The following SLC25A21 variants were observed in gnomAD, a reference collection of about 807,000 sequenced individuals.
The protein encoded by SLC25A21 is solute carrier family 25 member 21.
SLC25A21 carries 47 observed loss-of-function variants against 43.8 expected under a neutral mutation model. The ratio of observed to expected loss-of-function variants is 1.07; its 90% CI spans 0.85 to 1.37. The LOEUF is 1.37. SLC25A21 is among the 40% of genes most tolerant of loss of function. The probability of loss-of-function intolerance (pLI) is 0.00; values close to 1 mark genes in which losing one functional copy is unlikely to be tolerated. For synonymous variants in SLC25A21, 131 were observed against 121.3 expected (o/e 1.08, Z -0.52); for missense variants, 352 against 350.2 (o/e 1.00, Z -0.04).
At chr14:36,912,759 C>G (rs1166301780) in intron 1 of SLC25A21, among the ~76,000 whole-genome samples, 1 of 152,164 alleles carries the variant, frequency 6.6e-6, no homozygotes, top group Non-Finnish European at 1.5e-5. Context: ...AAATTCTTAG[C>G]TCAATTCCAC....
intron 2 of SLC25A21, among the ~76,000 whole-genome samples, chr14:36,873,441 G>T (rs1433868287): frequency 6.6e-6 from 1 of 152,000 alleles, no homozygotes; most frequent in South Asian, 2.1e-4. Context: ...GATTACAGGG[G>T]TGTGCCACCA....
intron 1 of SLC25A21, among the ~76,000 whole-genome samples, chr14:36,916,670 G>T (rs1891841534): frequency 6.6e-6 from 1 of 152,166 alleles, no homozygotes; most frequent in Non-Finnish European, 1.5e-5. Context: ...GACCCTGACA[G>T]AAATATAGCA....
intron 1 of SLC25A21, among the ~76,000 whole-genome samples, chr14:37,028,788 G>C (rs1159140128): frequency 2.6e-5 from 4 of 152,162 alleles, no homozygotes; most frequent in Non-Finnish European, 5.9e-5. Flanking sequence ...GAGAGTGACA[G>C]AGAACATTAC....
At chr14:37,062,520 T>C (rs2092254820) in intron 1 of SLC25A21, among the ~76,000 whole-genome samples, 1 of 152,174 alleles carries the variant, frequency 6.6e-6, no homozygotes, top group South Asian at 2.1e-4. Context: ...TGAAATTTTA[T>C]CACATGAAGA....
intron 3 of SLC25A21, among the ~76,000 whole-genome samples, chr14:36,743,411 G>A (rs991185314): frequency 6.7e-6 from 1 of 150,248 alleles, no homozygotes; most frequent in Non-Finnish European, 1.5e-5. Flanking sequence ...TAGGTGGGTG[G>A]CACTATGAGG....
At chr14:36,979,323 GTTTT>G (rs145296225) in intron 1 of SLC25A21, among the ~76,000 whole-genome samples, 11 of 123,756 alleles carry the variant, frequency 8.9e-5, no homozygotes, top group Non-Finnish European at 1.5e-4. Context: ...TTAAGGTAGT[GTTTT>G]TTTGGTTTTT....
chr14:37,100,503 T>G (rs1236148553), intron 1 of SLC25A21, among the ~76,000 whole-genome samples: 1 of 152,248 alleles, frequency 6.6e-6, no homozygotes, highest in Non-Finnish European at 1.5e-5. Context: ...AGATGTTTAA[T>G]TGAGGTATCT....
In SLC25A21 at chr14:36,679,601, T is replaced by C. The variant is rs1363999565; in HGVS notation, c.*1057A>G. ...TAGTAATCCTTAGAAATGCTAAGTG[T>C]ATTTCTTTTTCAGAACATTTCCCCT... On this transcript the variant is annotated 3_prime_UTR_variant, in exon 10 of 10. Transcript: ENST00000331299. 1.0e-6 allele frequency: 1 copy of C among 985,270 alleles called. No individual in the cohort carries two copies. Among genetic ancestry groups the C allele is most frequent in the African/African-American group, 1.7e-5 (1 of 57,244 alleles). The allele number at this position is 985,270 out of a possible 1,614,324, so 61.0% of individuals were successfully genotyped here.
chr14:36,680,737 T>C lies in SLC25A21; in HGVS notation c.839-18A>G. 3 of 1,604,890 alleles carry C rather than the reference T, an allele frequency of 1.9e-6. No individual in the cohort carries two copies. The highest frequency in any genetic ancestry group is 2.6e-6 in the Non-Finnish European group (3 of 1,176,216). On this transcript the variant is annotated intron_variant, in intron 9 of 9. Transcript: ENST00000331299. ...TGCACCACCTAGAAAAGAAAAGAGC[T>C]GTTTTTTATTGCAAATCCTCTGGAA...
At chr14:36,905,588 C>T (rs573077227) in intron 1 of SLC25A21, among the ~76,000 whole-genome samples, 11 of 152,106 alleles carry the variant, frequency 7.2e-5, no homozygotes, top group Non-Finnish European at 1.2e-4. Flanking sequence ...CAGCTTATGG[C>T]TGCTACGACT....
rs1885348094 is a variant in SLC25A21 at position 36,743,228 on chromosome 14, A to G, written c.204-8655T>C. The stretch of plus-strand genomic sequence containing the variant: ...TTGAGAAGCAACCAAAGAGGTGAAT[A>G]GTATTGGTAAAATGTGGGTGTTCAT... On this transcript the variant is annotated intron_variant, in intron 3 of 9. Coordinates refer to ENST00000331299, the MANE Select transcript of SLC25A21 (RefSeq NM_030631.4). Among the ~76,000 whole-genome samples the G allele has an allele frequency of 2.0e-5, 3 of 152,182 alleles. No individual in the cohort carries two copies. The South Asian group carries it at 6.2e-4, about 31-fold the overall frequency.
chr14:37,016,812 C>T (rs2138747552), intron 1 of SLC25A21, among the ~76,000 whole-genome samples: 1 of 152,186 alleles, frequency 6.6e-6, no homozygotes, highest in Non-Finnish European at 1.5e-5. Context: ...GACTGTTTCA[C>T]CTTGCACTTT....
At chr14:36,742,884 C>T (rs1037574932) in intron 3 of SLC25A21, among the ~76,000 whole-genome samples, 4 of 152,230 alleles carry the variant, frequency 2.6e-5, no homozygotes, top group South Asian at 2.1e-4. Context: ...TTTCATTATA[C>T]GCTGTATGGA....
At chr14:36,990,577 T>A (rs1960240962) in intron 1 of SLC25A21, among the ~76,000 whole-genome samples, 1 of 152,074 alleles carries the variant, frequency 6.6e-6, no homozygotes, top group Admixed American at 6.6e-5. Flanking sequence ...TTACTCTAAT[T>A]TTAAAAATCT....
At chr14:36,870,105 A>G (rs1220769321) in intron 2 of SLC25A21, among the ~76,000 whole-genome samples, 2 of 152,220 alleles carry the variant, frequency 1.3e-5, no homozygotes, top group Non-Finnish European at 2.9e-5. Context: ...ATGTTTGTGT[A>G]CTCAAAATAA....
At chr14:36,777,157 C>T (rs1373876980) in intron 3 of SLC25A21, among the ~76,000 whole-genome samples, 6 of 152,122 alleles carry the variant, frequency 3.9e-5, no homozygotes, top group Non-Finnish European at 8.8e-5. Flanking sequence ...ACTTGGGAGG[C>T]TGAGGCAGGA....
intron 1 of SLC25A21, among the ~76,000 whole-genome samples, chr14:37,144,706 A>G (rs1171283566): frequency 6.6e-6 from 1 of 152,260 alleles, no homozygotes; most frequent in Non-Finnish European, 1.5e-5. Context: ...AGTTTATATT[A>G]TAAAAGTAGA....
chr14:37,106,174 A>G (rs985476903), intron 1 of SLC25A21, among the ~76,000 whole-genome samples: 1 of 152,128 alleles, frequency 6.6e-6, no homozygotes, highest in Non-Finnish European at 1.5e-5. Flanking sequence ...TTGAAAAAAA[A>G]CAGAATAACA....
At chr14:36,928,488 C>T (rs1035256288) in intron 1 of SLC25A21, among the ~76,000 whole-genome samples, 4 of 151,978 alleles carry the variant, frequency 2.6e-5, no homozygotes, top group Non-Finnish European at 1.5e-5. Flanking sequence ...AACTTAACCA[C>T]GGCTAACTAA....
Sources: allele counts gnomAD v4.1 joint callset (sites outside exome capture counted in the v4.1 genomes callset), GRCh38; gene constraint gnomAD v4.1.1; transcripts MANE v1.5; gene names NCBI Gene and HGNC (gene_info 2026-07-23, HGNC 2026-07-21).